The following IL20RA variants were observed in gnomAD, a reference collection of about 807,000 sequenced individuals.
The protein encoded by IL20RA is interleukin 20 receptor subunit alpha.
Under a neutral mutation model 36.5 loss-of-function variants are expected in IL20RA, and 29 were observed. The observed-to-expected ratio is 0.79, with a 90% confidence interval of 0.59 to 1.08. IL20RA has a LOEUF of 1.08. IL20RA is among the 50% of genes least tolerant of loss of function. The probability of loss-of-function intolerance (pLI) is 0.00; values close to 1 mark genes in which losing one functional copy is unlikely to be tolerated. For synonymous variants in IL20RA, 279 were observed against 267.1 expected, an observed-to-expected ratio of 1.04 and a Z score of -0.43; for missense variants, 652 against 668.4, an observed-to-expected ratio of 0.98 and a Z score of 0.27.
At chr6:137,005,965 T>A (rs1480794625) in intron 5 of IL20RA, among the ~76,000 whole-genome samples, 1 of 152,202 alleles carries the variant, frequency 6.6e-6, no homozygotes, top group Admixed American at 6.5e-5. Context: ...TATATCGATA[T>A]GTGCATCTAT....
At chr6:137,042,169 TC>T (rs1776720443) in intron 1 of IL20RA, among the ~76,000 whole-genome samples, 1 of 151,940 alleles carries the variant, frequency 6.6e-6, no homozygotes, top group Non-Finnish European at 1.5e-5. Context: ...AGTAGGAACT[TC>T]CAGAGGAACT....
chr6:137,032,383 C>T (rs1776328451), intron 1 of IL20RA, among the ~76,000 whole-genome samples: 1 of 152,168 alleles, frequency 6.6e-6, no homozygotes, highest in South Asian at 2.1e-4. Flanking sequence ...CATCTCTGGG[C>T]CTCAGAAATC....
intron 5 of IL20RA, among the ~76,000 whole-genome samples, chr6:137,006,898 AT>A (rs1775302859): frequency 6.6e-6 from 1 of 151,806 alleles, no homozygotes; most frequent in African/African-American, 2.4e-5. Flanking sequence ...TAAGTTTCGT[AT>A]TTTTAGTAGA....
intron 3 of IL20RA, among the ~76,000 whole-genome samples, chr6:137,010,160 T>C (rs1485302920): frequency 6.6e-6 from 1 of 152,228 alleles, no homozygotes; most frequent in Non-Finnish European, 1.5e-5. Flanking sequence ...CATGACTTGA[T>C]AAGTGGAAAA....
intron 1 of IL20RA, among the ~76,000 whole-genome samples, chr6:137,036,121 C>T (rs371881243): frequency 4.2e-4 from 64 of 152,266 alleles, no homozygotes; most frequent in African/African-American, 1.5e-3. Context: ...AGACCTCGTC[C>T]GGGCTCTCAA....
chr6:137,043,293 G>A (rs1776769662), intron 1 of IL20RA, among the ~76,000 whole-genome samples: 1 of 151,974 alleles, frequency 6.6e-6, no homozygotes, highest in Non-Finnish European at 1.5e-5. Context: ...ATAGACAGGG[G>A]TCTCCGTATG....
At chr6:137,038,814 A>G (rs1042036143) in intron 1 of IL20RA, among the ~76,000 whole-genome samples, 9 of 152,204 alleles carry the variant, frequency 5.9e-5, no homozygotes, top group Non-Finnish European at 1.3e-4. Flanking sequence ...AGTCATTTTT[A>G]AAATGTAACG....
intron 1 of IL20RA, among the ~76,000 whole-genome samples, chr6:137,027,496 TC>T (rs780217571): frequency 6.6e-5 from 10 of 152,162 alleles, no homozygotes; most frequent in Non-Finnish European, 7.3e-5. Context: ...GAACCAAAGT[TC>T]TAGGGTCACA....
chr6:137,001,386 T>C lies in IL20RA; in HGVS notation c.*172A>G. ...CACCATCATTGTTAAGAGACCTACA[T>C]GCATGAACCAATCACACACGTGCTA... On this transcript the variant is annotated 3_prime_UTR_variant, in exon 7 of 7. Transcript: ENST00000316649. 1.7e-6 allele frequency: 1 copy of C among 594,218 alleles called. No homozygotes were observed. Among genetic ancestry groups the C allele is most frequent in the South Asian group, 2.7e-5 (1 of 36,824 alleles). The allele number at this position is 594,218 out of a possible 1,614,324, so 36.8% of individuals were successfully genotyped here.
At chr6:137,037,009 T>C (rs762895185) in intron 1 of IL20RA, among the ~76,000 whole-genome samples, 12 of 152,178 alleles carry the variant, frequency 7.9e-5, no homozygotes, top group Non-Finnish European at 1.6e-4. Flanking sequence ...AAACAAATGC[T>C]TTAACTAGGA....
chr6:137,005,914 G>A (rs1241562278), intron 5 of IL20RA, among the ~76,000 whole-genome samples: 1 of 152,134 alleles, frequency 6.6e-6, no homozygotes, highest in Non-Finnish European at 1.5e-5. Context: ...GATCCTGTGA[G>A]CCAACGCCTT....
In IL20RA at chr6:137,000,001, C is replaced by T. The variant is rs1774970504; in HGVS notation, c.*1557G>A. 6.6e-6 allele frequency: 1 copy of T among 152,198 alleles called. No individual in the cohort carries two copies. The highest frequency in any genetic ancestry group is 2.4e-5 in the African/African-American group (1 of 41,460). 9.4% of individuals were successfully genotyped at this position (152,198 alleles called of 1,614,324 possible). ...TCAATCACTTTATTTTTCTTTTGCT[C>T]TTAATAACAATTTATTCTTTCTCAC... On this transcript the variant is annotated 3_prime_UTR_variant, in exon 7 of 7. Coordinates refer to ENST00000316649, the MANE Select transcript of IL20RA (RefSeq NM_014432.4).
intron 2 of IL20RA, among the ~76,000 whole-genome samples, chr6:137,012,562 C>T (rs930733185): frequency 2.0e-5 from 3 of 152,042 alleles, no homozygotes; most frequent in African/African-American, 7.2e-5. Flanking sequence ...TCAGGAGAGA[C>T]ATGTGTGTGG....
chr6:137,012,734 G>A (rs146337879), intron 2 of IL20RA, among the ~76,000 whole-genome samples: 207 of 152,300 alleles, frequency 1.4e-3, no homozygotes, highest in African/African-American at 4.6e-3. Context: ...ACTAAAGAGG[G>A]ATGAGAAAAA....
At chr6:137,013,957 G>T (rs1775583007) in intron 2 of IL20RA, among the ~76,000 whole-genome samples, 1 of 152,194 alleles carries the variant, frequency 6.6e-6, no homozygotes, top group South Asian at 2.1e-4. Context: ...CTCACACGAA[G>T]CAGTGATGAC....
intron 1 of IL20RA, among the ~76,000 whole-genome samples, chr6:137,026,499 A>G (rs939155542): frequency 7.9e-5 from 12 of 152,248 alleles, no homozygotes; most frequent in African/African-American, 2.9e-4. Context: ...ACAGTAACCC[A>G]TGGCATGGCA....
At chr6:137,016,118 C>G (rs449852) in intron 2 of IL20RA, among the ~76,000 whole-genome samples, 93,765 of 152,182 alleles carry the variant, frequency 0.62, 33,984 homozygotes, top group East Asian at 0.93. Flanking sequence ...TGCCACCTCC[C>G]TTTCCTCCTG....
Position 137,004,681 on chromosome 6 carries a change from C to T in IL20RA, c.804G>A (p.Val268=). ...PVSITVFLFS[V]MGYSIYRYIH... ...TATATCGGTAGATGGAATAGCCCAT[C>T]ACAGAAAAAAGAAACACGGTAATAG... is the stretch of plus-strand genomic sequence containing the variant. Residue 268 remains valine, a synonymous_variant, in exon 6 of 7, where the codon GTG becomes GTA. Transcript: ENST00000316649. 1 of 1,610,246 alleles carries T rather than the reference C, an allele frequency of 6.2e-7. No individual in the cohort carries two copies.
chr6:137,004,303 G>A (rs911718206), intron 6 of IL20RA, among the ~76,000 whole-genome samples: 6 of 151,616 alleles, frequency 4.0e-5, no homozygotes, highest in Non-Finnish European at 8.8e-5. Context: ...AGCCTCCCGA[G>A]TAGCTGGGAT....
Sources: allele counts gnomAD v4.1 joint callset (sites outside exome capture counted in the v4.1 genomes callset), GRCh38; gene constraint gnomAD v4.1.1; transcripts MANE v1.5; gene names NCBI Gene and HGNC (gene_info 2026-07-23, HGNC 2026-07-21).